The following FTO variants were observed in gnomAD, a reference collection of about 807,000 sequenced individuals.
FTO encodes FTO alpha-ketoglutarate dependent dioxygenase.
FTO carries 47 observed loss-of-function variants against 63.9 expected under a neutral mutation model. The ratio of observed to expected loss-of-function variants is 0.74; its 90% CI spans 0.58 to 0.94. The LOEUF (loss-of-function observed/expected upper bound fraction) is 0.94, where lower values mean the gene tolerates loss of function less well. Among genes scored for constraint, FTO ranks in the 40% least tolerant of loss-of-function variants. The probability of loss-of-function intolerance (pLI) is 0.00; values close to 1 mark genes in which losing one functional copy is unlikely to be tolerated. For synonymous variants in FTO, 207 were observed against 224.4 expected, an observed-to-expected ratio of 0.92 and a Z score of 0.69; for missense variants, 562 against 618.1, an observed-to-expected ratio of 0.91 and a Z score of 0.96.
At chr16:53,847,877 T>C (rs2079678117) in intron 4 of FTO, among the ~76,000 whole-genome samples, 1 of 152,114 alleles carries the variant, frequency 6.6e-6, no homozygotes, top group Admixed American at 6.6e-5. Flanking sequence ...TTGGGTCCCT[T>C]GAGCTATTGT....
chr16:53,929,974 T>G (rs1242611771), intron 7 of FTO, among the ~76,000 whole-genome samples: 1 of 152,134 alleles, frequency 6.6e-6, no homozygotes, highest in Non-Finnish European at 1.5e-5. Context: ...AGGTGGCACT[T>G]GGGGACTCTG....
intron 8 of FTO, among the ~76,000 whole-genome samples, chr16:53,974,107 G>A (rs751193611): frequency 6.6e-6 from 1 of 152,078 alleles, no homozygotes; most frequent in Non-Finnish European, 1.5e-5. Context: ...TGAACTTTGG[G>A]CTTCTTAATT....
rs564848124 is a variant in FTO at position 53,929,213 on chromosome 16, A to G, written c.1240-4772A>G. 1.8e-3 allele frequency among the ~76,000 whole-genome samples: 267 copies of G among 152,306 alleles called. 1 individual carries two copies. The highest frequency in any genetic ancestry group is 0.01 in the Middle Eastern group (3 of 294). The stretch of plus-strand genomic sequence containing the variant: ...GTACAGAATGGTTCCATCATGCTCA[A>G]AAATTCCCTTATGCTGCGTCTTGCC... On this transcript the variant is annotated intron_variant, in intron 7 of 8. Coordinates refer to ENST00000471389, the MANE Select transcript of FTO (RefSeq NM_001080432.3).
chr16:54,022,435 T>G (rs1164199741), intron 8 of FTO, among the ~76,000 whole-genome samples: 1 of 152,216 alleles, frequency 6.6e-6, no homozygotes, highest in Non-Finnish European at 1.5e-5. Context: ...GCATTTATAT[T>G]TGGCTTTCCA....
At chr16:53,722,672 CA>C (rs2076066353) in intron 1 of FTO, among the ~76,000 whole-genome samples, 1 of 151,800 alleles carries the variant, frequency 6.6e-6, no homozygotes, top group African/African-American at 2.4e-5. Flanking sequence ...ACTAAAGATA[CA>C]AAAAATTAGC....
chr16:54,057,462 G>GTTGATTT lies in FTO; in HGVS notation c.1365-54297_1365-54296insATTTTTG, dbSNP rs1567544713. ...ATGGATGTCTTCATTAGAAGCAAAT[G>GTTGATTT]TTGTTTTTTGTTTTTTGTTTTGACA... On this transcript the variant is annotated intron_variant, in intron 8 of 8. Transcript: ENST00000471389. 2.0e-5 allele frequency among the ~76,000 whole-genome samples: 3 copies of GTTGATTT among 152,202 alleles called. No homozygotes were observed. The East Asian group carries it at 5.8e-4, about 29-fold the overall frequency.
At chr16:54,081,529 C>T (rs757324703) in intron 8 of FTO, among the ~76,000 whole-genome samples, 2 of 152,182 alleles carry the variant, frequency 1.3e-5, no homozygotes, top group Non-Finnish European at 2.9e-5. Flanking sequence ...TCTAAATAGA[C>T]ACTGGCCATG....
chr16:53,844,029 G>A, intron 3 of FTO, 126 bp from the exon 4 acceptor site: 2 of 739,100 alleles, frequency 2.7e-6, no homozygotes, highest in Non-Finnish European at 4.4e-6. Flanking sequence ...TGACATAAAG[G>A]GAAGATATAT....
chr16:53,808,091 G>A (rs925287113), intron 1 of FTO, among the ~76,000 whole-genome samples: 3 of 152,062 alleles, frequency 2.0e-5, no homozygotes, highest in African/African-American at 7.2e-5. Flanking sequence ...GATCATTTGA[G>A]GCCAAGGCGG....
At chr16:53,820,011 CTTT>C (rs35719505) in intron 2 of FTO, among the ~76,000 whole-genome samples, 5 of 138,824 alleles carry the variant, frequency 3.6e-5, no homozygotes, top group South Asian at 2.3e-4. Flanking sequence ...TCTTCTTCTT[CTTT>C]TTTTTTTTTT....
At position 54,121,603 on chromosome 16, in the gene FTO, G is replaced by C. The variant is rs1435003292; in HGVS notation, c.*9688G>C. On this transcript the variant is annotated 3_prime_UTR_variant, in exon 9 of 9. Coordinates refer to ENST00000471389, the MANE Select transcript of FTO (RefSeq NM_001080432.3). ...GCCGAGCCTGATCTTTTCTCCGCTAGAACTGCTCAACAGGTGAAGAATCTT... is the reference window on the plus strand; with the variant it reads ...GCCGAGCCTGATCTTTTCTCCGCTACAACTGCTCAACAGGTGAAGAATCTT... 6.6e-6 allele frequency: 1 copy of C among 152,204 alleles called. No homozygotes were observed. The highest frequency in any genetic ancestry group is 1.5e-5 in the Non-Finnish European group (1 of 68,058). 9.4% of individuals were successfully genotyped at this position (152,204 alleles called of 1,614,324 possible). A position where few individuals can be genotyped will look rare whatever the true frequency, so the allele number is the denominator to read the frequency against.
intron 1 of FTO, among the ~76,000 whole-genome samples, chr16:53,783,300 T>C (rs2077634691): frequency 6.6e-6 from 1 of 151,632 alleles, no homozygotes; most frequent in Non-Finnish European, 1.5e-5. Flanking sequence ...GCCAAGTTGG[T>C]GAAACACTGT....
intron 7 of FTO, among the ~76,000 whole-genome samples, chr16:53,911,822 T>G (rs1204143577): frequency 6.6e-6 from 1 of 152,256 alleles, no homozygotes; most frequent in African/African-American, 2.4e-5. Flanking sequence ...AAAATTGCAC[T>G]GGGCTCTGGC....
intron 1 of FTO, among the ~76,000 whole-genome samples, chr16:53,744,930 C>G (rs2076614867): frequency 6.6e-6 from 1 of 151,926 alleles, no homozygotes; most frequent in Non-Finnish European, 1.5e-5. Flanking sequence ...TTGGTTCAGT[C>G]TACTGCCTGT....
At chr16:54,067,110 T>G (rs766129261) in intron 8 of FTO, among the ~76,000 whole-genome samples, 4 of 150,402 alleles carry the variant, frequency 2.7e-5, no homozygotes, top group Non-Finnish European at 5.9e-5. Flanking sequence ...GAGAGGTTAC[T>G]TCTTTTTGGG....
At chr16:53,808,956 C>T (rs1228738031) in intron 1 of FTO, among the ~76,000 whole-genome samples, 1 of 152,142 alleles carries the variant, frequency 6.6e-6, no homozygotes, top group Non-Finnish European at 1.5e-5. Flanking sequence ...GTATATGTGT[C>T]TGTGAGTGTA....
intron 8 of FTO, among the ~76,000 whole-genome samples, chr16:54,048,139 A>AAAAAAG (rs1365994387): frequency 1.4e-5 from 2 of 143,720 alleles, no homozygotes; most frequent in African/African-American, 5.4e-5. Context: ...AAAAAAAAAA[A>AAAAAAG]AAAGAATTTC....
At chr16:54,101,735 G>T (rs1363754481) in intron 8 of FTO, among the ~76,000 whole-genome samples, 1 of 152,182 alleles carries the variant, frequency 6.6e-6, no homozygotes, top group African/African-American at 2.4e-5. Flanking sequence ...TTCGGGAATT[G>T]CTATACTGCT....
chr16:53,802,589 G>C (rs2078256015), intron 1 of FTO, among the ~76,000 whole-genome samples: 1 of 152,090 alleles, frequency 6.6e-6, no homozygotes, highest in African/African-American at 2.4e-5. Flanking sequence ...TCTGTGGATT[G>C]ATGGTTTTCA....
Sources: gnomAD v4.1 joint callset for allele counts (sites outside exome capture counted in the v4.1 genomes callset) on GRCh38, gnomAD v4.1.1 for gene constraint, MANE v1.5 for transcripts, NCBI Gene and HGNC (gene_info 2026-07-23, HGNC 2026-07-21) for gene names.